SLC1A6: variants seen among roughly 807,000 people sequenced by gnomAD.
SLC1A6 encodes the protein excitatory amino acid transporter 4.
A neutral mutation model predicts 42.1 loss-of-function variants in SLC1A6; 15 were observed. That is an observed-to-expected ratio of 0.36 (90% CI 0.24 to 0.55). SLC1A6 has a LOEUF of 0.55. Ranked by LOEUF, SLC1A6 falls within the 20% of genes least tolerant of loss-of-function variation. The pLI, the probability that SLC1A6 is intolerant of heterozygous loss-of-function variation, is 0.88. For synonymous variants in SLC1A6, 317 were observed against 319.7 expected, an observed-to-expected ratio of 0.99 and a Z score of 0.09; for missense variants, 542 against 772.5, an observed-to-expected ratio of 0.70 and a Z score of 3.54.
intron 5 of SLC1A6, among the ~76,000 whole-genome samples, chr19:14,963,386 A>G (rs907533726): frequency 3.7e-4 from 57 of 152,218 alleles, no homozygotes; most frequent in Non-Finnish European, 7.5e-4. Flanking sequence ...CTATTATACA[A>G]CATGGTGACT....
chr19:14,956,744 C>T, intron 6 of SLC1A6, 35 bp from the exon 7 acceptor site: 1 of 1,427,970 alleles, frequency 7.0e-7, no homozygotes, highest in African/African-American at 1.4e-5. Flanking sequence ...TCAGGGCTCC[C>T]TCCTGACCTC....
At chr19:14,970,244 T>A (rs540503517) in intron 3 of SLC1A6, among the ~76,000 whole-genome samples, 16 of 152,208 alleles carry the variant, frequency 1.1e-4, no homozygotes, top group South Asian at 2.1e-4. Flanking sequence ...TGATTTTTTT[T>A]ATTTTATATA....
chr19:14,998,979 G>A (rs978756520), intron 1 of SLC1A6, among the ~76,000 whole-genome samples: 28 of 151,916 alleles, frequency 1.8e-4, no homozygotes, highest in South Asian at 6.2e-4. Flanking sequence ...CTGGGTTCAC[G>A]CCATTCTCCT....
rs1423688612 is a variant in SLC1A6, at chr19:14,950,220, C to T, written c.1670G>A (p.Arg557Gln). Reference sequence around the variant, plus strand: ...TCACATAGCACTCTCGTTGCCTCCCCGTCCCCGGGATGCCCCCTTCTCCTG... The same window carrying T: ...TCACATAGCACTCTCGTTGCCTCCCTGTCCCCGGGATGCCCCCTTCTCCTG... ...MAQEKGASRGRGGNESAM is the reference protein window; with the variant it reads ...MAQEKGASRGQGGNESAM The change falls in exon 10 of 10, where the codon CGG (arginine) becomes CAG (glutamine). Residue 557 changes from arginine to glutamine, a missense_variant. Arg to Gln is a conservative substitution (Grantham distance 43). Transcript: ENST00000594383. 6 of 1,585,728 alleles carry T rather than the reference C, an allele frequency of 3.8e-6. No individual in the cohort carries two copies. Among genetic ancestry groups the T allele is most frequent in the South Asian group, 2.3e-5 (2 of 87,958 alleles).
chr19:14,970,720 A>C (rs1245893828), intron 3 of SLC1A6, among the ~76,000 whole-genome samples: 1 of 151,956 alleles, frequency 6.6e-6, no homozygotes, highest in African/African-American at 2.4e-5. Context: ...CAAAAAAAAA[A>C]AGAATATAGT....
chr19:14,993,289 G>A (rs574022465), intron 1 of SLC1A6, among the ~76,000 whole-genome samples: 1 of 152,020 alleles, frequency 6.6e-6, no homozygotes, highest in East Asian at 1.9e-4. Context: ...GAGTCGGGGG[G>A]CAATGGTGAG....
rs1405992500 is a variant in SLC1A6 at position 14,985,134 on chromosome 19, G to A, written c.7-12217C>T. On this transcript the variant is annotated intron_variant, in intron 1 of 8. Transcript: ENST00000430939. ...TGACCTTAGGTGATCCGCCCGCATCGGCCTCCCGAAGTGCTGGGATTACAG... is the reference window on the plus strand; with the variant it reads ...TGACCTTAGGTGATCCGCCCGCATCAGCCTCCCGAAGTGCTGGGATTACAG... 3.9e-5 allele frequency among the ~76,000 whole-genome samples: 6 copies of A among 152,196 alleles called. No individual in the cohort carries two copies. In the South Asian group the frequency reaches 6.2e-4, roughly 16 times the overall value.
At chr19:14,976,566 A>ACT (rs1568295033) in intron 1 of SLC1A6, among the ~76,000 whole-genome samples, 4 of 152,156 alleles carry the variant, frequency 2.6e-5, no homozygotes, top group Non-Finnish European at 5.9e-5. Flanking sequence ...TTGTATTTTT[A>ACT]GTAGAGACGG....
chr19:15,003,496 CT>C (rs1172551469), intron 1 of SLC1A6, among the ~76,000 whole-genome samples: 1 of 152,056 alleles, frequency 6.6e-6, no homozygotes, highest in Non-Finnish European at 1.5e-5. Flanking sequence ...TCATATCCCC[CT>C]GGAATGAGAG....
chr19:14,968,518 G>A lies in SLC1A6; in HGVS notation c.344-11C>T. The A allele has an allele frequency of 6.3e-7, 1 of 1,598,598 alleles. No homozygotes were observed. The highest frequency in any genetic ancestry group is 1.1e-5 in the South Asian group (1 of 89,840). ...CCAGGGATGCCATACCTGAAGGACA[G>A]ATGATGTGGCCCCCGCAGCTCCATG... On this transcript the variant is annotated splice_polypyrimidine_tract_variant and intron_variant, in intron 3 of 9. Transcript: ENST00000594383.
At chr19:14,976,249 G>T (rs980569260) in intron 1 of SLC1A6, among the ~76,000 whole-genome samples, 3 of 152,092 alleles carry the variant, frequency 2.0e-5, no homozygotes, top group African/African-American at 7.2e-5. Context: ...AGCAATATTC[G>T]CAATCGCCTA....
intron 1 of SLC1A6, chr19:14,973,375 GCA>G (rs1363899853): frequency 6.3e-6 from 1 of 158,122 alleles, no homozygotes; most frequent in Non-Finnish European, 1.4e-5. Flanking sequence ...AGCTGTGACT[GCA>G]CCACTGCACT....
intron 4 of SLC1A6, among the ~76,000 whole-genome samples, chr19:14,967,660 C>T (rs1280065206): frequency 2.0e-5 from 3 of 152,196 alleles, no homozygotes; most frequent in Admixed American, 6.5e-5. Flanking sequence ...ATGGACCCTA[C>T]GCTCAAAGAA....
chr19:14,965,713 G>A (rs1358310384), intron 4 of SLC1A6, among the ~76,000 whole-genome samples: 1 of 152,042 alleles, frequency 6.6e-6, no homozygotes, highest in African/African-American at 2.4e-5. Flanking sequence ...AGCTGGGCAT[G>A]GTGGCAGGCA....
chr19:14,973,288 C>A lies in SLC1A6; in HGVS notation c.-7-371G>T, dbSNP rs2045666467. Reference sequence around the variant, plus strand: ...AAAGCACAAAGGCCAGGCGCAGTGGCCCACACCTGTAATCCCAACACTTTC... The same window carrying A: ...AAAGCACAAAGGCCAGGCGCAGTGGACCACACCTGTAATCCCAACACTTTC... On this transcript the variant is annotated intron_variant, in intron 1 of 9. Transcript: ENST00000594383. 8 of 214,878 alleles carry A rather than the reference C, an allele frequency of 3.7e-5. No individual in the cohort carries two copies. In the South Asian group the frequency reaches 7.9e-4, roughly 21 times the overall value. The allele number at this position is 214,878 out of a possible 1,614,324, so 13.3% of individuals were successfully genotyped here. A position where few individuals can be genotyped will look rare whatever the true frequency, so the allele number is the denominator to read the frequency against.
chr19:14,972,136 T>C (rs1173565139), intron 2 of SLC1A6, among the ~76,000 whole-genome samples: 1 of 151,636 alleles, frequency 6.6e-6, no homozygotes, highest in Non-Finnish European at 1.5e-5. Flanking sequence ...ATATCCAGGA[T>C]ATGTGACGGT....
intron 5 of SLC1A6, among the ~76,000 whole-genome samples, chr19:14,963,600 A>C (rs777227970): frequency 6.6e-6 from 1 of 152,254 alleles, no homozygotes; most frequent in Non-Finnish European, 1.5e-5. Flanking sequence ...ACATAAATAA[A>C]TTAAAAATAT....
intron 4 of SLC1A6, among the ~76,000 whole-genome samples, chr19:14,967,407 T>A (rs2045586677): frequency 6.6e-6 from 1 of 152,206 alleles, no homozygotes; most frequent in African/African-American, 2.4e-5. Flanking sequence ...GACTCTCTTG[T>A]GGCCAAGTGG....
At chr19:14,966,166 C>T (rs1010157048) in intron 4 of SLC1A6, among the ~76,000 whole-genome samples, 1 of 152,138 alleles carries the variant, frequency 6.6e-6, no homozygotes, top group Non-Finnish European at 1.5e-5. Flanking sequence ...GAAACACTTG[C>T]TCCCCAAAAG....
Sources: allele counts gnomAD v4.1 joint callset (sites outside exome capture counted in the v4.1 genomes callset), GRCh38; gene constraint gnomAD v4.1.1; transcripts MANE v1.5; gene names NCBI Gene and HGNC (gene_info 2026-07-23, HGNC 2026-07-21).